The following CERT1 variants were observed in gnomAD, a reference collection of about 807,000 sequenced individuals.
The protein encoded by CERT1 is ceramide transporter 1.
A neutral mutation model predicts 87.9 loss-of-function variants in CERT1; 31 were observed. The ratio of observed to expected loss-of-function variants is 0.35; its 90% CI spans 0.27 to 0.48. The LOEUF is 0.48. CERT1 is among the 20% of genes least tolerant of loss of function. The pLI is 0.99. For missense variants in CERT1, 487 were observed against 758.0 expected (o/e 0.64, Z 4.20); for synonymous variants, 289 against 250.9 (o/e 1.15, Z -1.44).
At chr5:75,455,999 TATC>T (rs1489778425) in intron 3 of CERT1, among the ~76,000 whole-genome samples, 1 of 152,202 alleles carries the variant, frequency 6.6e-6, no homozygotes, top group Non-Finnish European at 1.5e-5. Flanking sequence ...CTCCTATCAT[TATC>T]ATCATTATGC....
At chr5:75,414,725 G>A (rs16872556) in intron 7 of CERT1, among the ~76,000 whole-genome samples, 11,881 of 152,058 alleles carry the variant, frequency 0.078, 555 homozygotes, top group South Asian at 0.17. Flanking sequence ...TCCTGGAACT[G>A]ACATTATAAA....
At chr5:75,391,301 A>C (rs920393775) in intron 11 of CERT1, among the ~76,000 whole-genome samples, 2 of 152,198 alleles carry the variant, frequency 1.3e-5, no homozygotes, top group Admixed American at 1.3e-4. Context: ...ATGTTCTGCT[A>C]CCTCAAGTTT....
intron 5 of CERT1, among the ~76,000 whole-genome samples, chr5:75,422,957 C>T (rs1489800928): frequency 1.3e-5 from 2 of 152,156 alleles, no homozygotes; most frequent in African/African-American, 4.8e-5. Context: ...TCCTTCATGG[C>T]CTTCAGAAGA....
intron 7 of CERT1, among the ~76,000 whole-genome samples, chr5:75,415,018 T>A (rs1763081504): frequency 6.6e-6 from 1 of 152,058 alleles, no homozygotes; most frequent in East Asian, 1.9e-4. Context: ...AACTTTCTAG[T>A]CTTTAGTGTG....
rs1396121286 is a variant in CERT1 at position 75,485,763 on chromosome 5, AATGAATAC to A, written c.231+20211_231+20218del. Among the ~76,000 whole-genome samples the A allele has an allele frequency of 5.3e-5, 8 of 152,288 alleles. No individual in the cohort carries two copies. The East Asian group carries it at 1.5e-3, about 29-fold the overall frequency. On this transcript the variant is annotated intron_variant, in intron 2 of 16. Coordinates refer to ENST00000643780, the MANE Select transcript of CERT1 (RefSeq NM_001379029.1). ...GCCAAGAATTGGAAAACCTAGAAGA[AATGAATAC>A]ATTCCTAGACAGATACAACCTACCA...
At chr5:75,414,182 A>G (rs1302845975) in intron 7 of CERT1, among the ~76,000 whole-genome samples, 1 of 152,224 alleles carries the variant, frequency 6.6e-6, no homozygotes, top group Admixed American at 6.5e-5. Flanking sequence ...ATGTTGTTCC[A>G]GAACAGGCAA....
At chr5:75,460,088 G>C (rs1301362541) in intron 2 of CERT1, among the ~76,000 whole-genome samples, 1 of 151,442 alleles carries the variant, frequency 6.6e-6, no homozygotes. Flanking sequence ...ACAGGCACAA[G>C]CTATTGTGCC....
Position 75,511,286 on chromosome 5 carries a change from AGGGTCG to A in CERT1, c.-85_-80del. Reference sequence around the variant, plus strand: ...AGGAGGCGCCCAGTCCTCGGGGTGAAGGGTCGGGGGATGGCGAAGCGAAGAGTGCCC... The same window carrying A: ...AGGAGGCGCCCAGTCCTCGGGGTGAAGGGGATGGCGAAGCGAAGAGTGCCC... On this transcript the variant is annotated 5_prime_UTR_variant, in exon 1 of 17. Coordinates refer to ENST00000643780, the MANE Select transcript of CERT1 (RefSeq NM_001379029.1). 1 of 1,575,492 alleles carries A rather than the reference AGGGTCG, an allele frequency of 6.3e-7. No individual in the cohort carries two copies. Among genetic ancestry groups the A allele is most frequent in the Non-Finnish European group, 8.6e-7 (1 of 1,160,712 alleles).
chr5:75,458,916 A>G (rs1765114746), intron 3 of CERT1, 149 bp downstream of exon 3: 1 of 563,970 alleles, frequency 1.8e-6, no homozygotes, highest in Admixed American at 2.9e-5. Flanking sequence ...ATTATTTCAA[A>G]AATTTACATA....
chr5:75,501,336 T>C (rs904524607), intron 2 of CERT1, among the ~76,000 whole-genome samples: 9 of 152,184 alleles, frequency 5.9e-5, no homozygotes, highest in Non-Finnish European at 1.2e-4. Flanking sequence ...TCCAAAAATA[T>C]TAAAACATAA....
At chr5:75,375,892 C>A (rs1350612797), downstream of CERT1, 1 of 150,388 alleles carries the variant, frequency 6.6e-6, no homozygotes, top group Non-Finnish European at 1.5e-5. Flanking sequence ...AAGATTTTAC[C>A]ATGTTAAGGT....
intron 12 of CERT1, among the ~76,000 whole-genome samples, chr5:75,387,945 C>T (rs1399979201): frequency 1.3e-5 from 2 of 152,042 alleles, no homozygotes; most frequent in South Asian, 2.1e-4. Flanking sequence ...TCATCCAGAC[C>T]ATCACTCCTG....
At chr5:75,404,996 G>A (rs1762647067) in intron 8 of CERT1, among the ~76,000 whole-genome samples, 1 of 151,868 alleles carries the variant, frequency 6.6e-6, no homozygotes, top group East Asian at 1.9e-4. Context: ...AGCCTGGGTG[G>A]TAGAGCAAGA....
chr5:75,392,394 G>A (rs1444950574), intron 11 of CERT1, among the ~76,000 whole-genome samples: 1 of 152,150 alleles, frequency 6.6e-6, no homozygotes, highest in African/African-American at 2.4e-5. Flanking sequence ...AAAAACTAAA[G>A]ATTCTAATGA....
chr5:75,391,421 A>G (rs1040333326), intron 11 of CERT1, among the ~76,000 whole-genome samples: 1 of 152,198 alleles, frequency 6.6e-6, no homozygotes, highest in East Asian at 1.9e-4. Flanking sequence ...GAGATTCTAT[A>G]ATCTACTTTT....
chr5:75,511,907 G>A, upstream of CERT1: 1 of 1,328,004 alleles, frequency 7.5e-7, no homozygotes, highest in Non-Finnish European at 1.0e-6. Context: ...GCGATCCTGA[G>A]GTAACGGGTG....
At chr5:75,423,464 G>A (rs1325316380) in intron 5 of CERT1, among the ~76,000 whole-genome samples, 3 of 152,122 alleles carry the variant, frequency 2.0e-5, no homozygotes, top group Non-Finnish European at 4.4e-5. Flanking sequence ...TCAAGGCCAG[G>A]CACAATGGCT....
At chr5:75,374,136 C>CT (rs545323650), downstream of CERT1, 2,575 of 324,058 alleles carry the variant, frequency 7.9e-3, 3 homozygotes, top group Non-Finnish European at 9.6e-3. Flanking sequence ...GAGCATTCAG[C>CT]TTTTTTTTTT....
Position 75,395,628 on chromosome 5 carries a change from G to A in CERT1, c.1188+3682C>T, listed in dbSNP as rs545232636. On this transcript the variant is annotated intron_variant, in intron 11 of 16. Coordinates refer to ENST00000643780, the MANE Select transcript of CERT1 (RefSeq NM_001379029.1). ...TGTAATCCCAGCACTTTGGGAGGCC[G>A]AGACGGGCAGATCACTTGAGGTCAG... is the stretch of plus-strand genomic sequence containing the variant. 7.8e-4 allele frequency among the ~76,000 whole-genome samples: 118 copies of A among 150,754 alleles called. 1 individual carries two copies. The highest frequency in any genetic ancestry group is 1.1e-3 in the South Asian group (5 of 4,742).
Sources: allele counts gnomAD v4.1 joint callset (sites outside exome capture counted in the v4.1 genomes callset), GRCh38; gene constraint gnomAD v4.1.1; transcripts MANE v1.5; gene names NCBI Gene and HGNC (gene_info 2026-07-23, HGNC 2026-07-21).